Variants in ZNF710 observed in about 807,000 individuals in gnomAD.
The protein encoded by ZNF710 is zinc finger protein 710.
Under a neutral mutation model 50.6 loss-of-function variants are expected in ZNF710, and 13 were observed. The ratio of observed to expected loss-of-function variants is 0.26; its 90% CI spans 0.17 to 0.41. ZNF710 has a LOEUF of 0.41. Among genes scored for constraint, ZNF710 ranks in the 10% least tolerant of loss-of-function variants. The pLI, the probability that ZNF710 is intolerant of heterozygous loss-of-function variation, is 1.00. For missense variants in ZNF710, 721 were observed against 936.6 expected, an observed-to-expected ratio of 0.77 and a Z score of 3.01; for synonymous variants, 383 against 397.0, an observed-to-expected ratio of 0.96 and a Z score of 0.42.
rs568937639 is a variant in ZNF710, at chr15:90,011,309, A to G, written c.-29+9695A>G. On this transcript the variant is annotated intron_variant, in intron 1 of 4. Transcript: ENST00000268154. ...TTATTTTTTAGAGGCAGTTCTGGCT[A>G]TGTTGCCCAGGCTGGTCTCGAACTC... Among the ~76,000 whole-genome samples the G allele has an allele frequency of 4.6e-5, 7 of 152,222 alleles. 1 individual carries two copies. Among genetic ancestry groups the G allele is most frequent in the African/African-American group, 1.4e-4 (6 of 41,548 alleles).
In ZNF710 at chr15:90,055,394, C is replaced by T. The variant is rs565487211; in HGVS notation, c.-28-11716C>T. 5.3e-5 allele frequency among the ~76,000 whole-genome samples: 8 copies of T among 152,246 alleles called. No individual in the cohort carries two copies. The South Asian group carries it at 1.0e-3, about 20-fold the overall frequency. On this transcript the variant is annotated intron_variant, in intron 1 of 4. Transcript: ENST00000268154. ...TATTAAAGAACATCGATGAAGTCCA[C>T]GTGGCTTCACATGGAGGGAGGGGAC...
chr15:90,058,499 G>A (rs979581000), intron 1 of ZNF710, among the ~76,000 whole-genome samples: 1 of 151,958 alleles, frequency 6.6e-6, no homozygotes, highest in African/African-American at 2.4e-5. Flanking sequence ...TGGTCCCTTG[G>A]CGACTGTCAG....
intron 1 of ZNF710, 87 bp downstream of exon 1, chr15:90,001,701 G>A (rs1387830760): frequency 6.9e-6 from 1 of 143,978 alleles, no homozygotes; most frequent in Non-Finnish European, 1.5e-5. Flanking sequence ...CGGGGGGCGC[G>A]GGGGTGGGTC....
intron 1 of ZNF710, among the ~76,000 whole-genome samples, chr15:90,041,928 C>T (rs1342478878): frequency 1.1e-4 from 13 of 119,694 alleles, no homozygotes; most frequent in African/African-American, 2.3e-4. Flanking sequence ...GATAGAGTTT[C>T]GCTCTGTTGC....
chr15:90,001,469 G>GGGCGGCAGGAGCA lies in ZNF710; in HGVS notation c.-167_-155dup, dbSNP rs1450432184. ...GAGAGAAAGAGAGGAGCCGGAGGGA[G>GGGCGGCAGGAGCA]GGCGGCAGGAGCAGGCGGCGGGCGC... On this transcript the variant is annotated 5_prime_UTR_variant, in exon 1 of 5. Transcript: ENST00000268154. 1 of 152,048 alleles carries GGGCGGCAGGAGCA rather than the reference G, an allele frequency of 6.6e-6. No homozygotes were observed. The highest frequency in any genetic ancestry group is 6.6e-5 in the Admixed American group (1 of 15,214). The allele number at this position is 152,048 out of a possible 1,614,324, so 9.4% of individuals were successfully genotyped here.
chr15:90,077,600 G>A (rs1245682431), intron 4 of ZNF710, among the ~76,000 whole-genome samples: 3 of 152,102 alleles, frequency 2.0e-5, no homozygotes, highest in Admixed American at 2.0e-4. Context: ...TGAGGGTGTG[G>A]CACTAGGACT....
Position 90,082,028 on chromosome 15 carries a change from G to T in ZNF710, c.*2199G>T, listed in dbSNP as rs1900735000. On this transcript the variant is annotated 3_prime_UTR_variant, in exon 5 of 5. Transcript: ENST00000268154. ...TCAAAAGAGGTGCACAGCCTCTCGG[G>T]TGACTTGGAAACTCCTGGACAAATT... is the stretch of plus-strand genomic sequence containing the variant. The T allele has an allele frequency of 1.3e-5, 2 of 152,216 alleles. No individual in the cohort carries two copies. Among genetic ancestry groups the T allele is most frequent in the Non-Finnish European group, 2.9e-5 (2 of 68,046 alleles). The allele number at this position is 152,216 out of a possible 1,614,324, so 9.4% of individuals were successfully genotyped here. A position where few individuals can be genotyped will look rare whatever the true frequency, so the allele number is the denominator to read the frequency against.
At chr15:90,066,538 C>T (rs906779333) in intron 1 of ZNF710, among the ~76,000 whole-genome samples, 4 of 136,654 alleles carry the variant, frequency 2.9e-5, no homozygotes, top group Non-Finnish European at 4.5e-5. Context: ...AGTGCAGTGG[C>T]GCGATCTCGG....
chr15:90,046,262 C>T (rs1007109964), intron 1 of ZNF710, among the ~76,000 whole-genome samples: 2 of 152,188 alleles, frequency 1.3e-5, no homozygotes, highest in Non-Finnish European at 2.9e-5. Flanking sequence ...CTTCCTCCTG[C>T]GTACCCAGCT....
At chr15:90,014,602 A>G (rs1049671406) in intron 1 of ZNF710, among the ~76,000 whole-genome samples, 1 of 152,108 alleles carries the variant, frequency 6.6e-6, no homozygotes, top group African/African-American at 2.4e-5. Context: ...TTAAAACAAA[A>G]TAAATTTCAG....
At chr15:90,047,798 G>A (rs542951750) in intron 1 of ZNF710, among the ~76,000 whole-genome samples, 1 of 152,014 alleles carries the variant, frequency 6.6e-6, no homozygotes. Flanking sequence ...TGTTGGCCAG[G>A]CTGGTCTTGA....
rs150995225 is a variant in ZNF710 at position 90,074,522 on chromosome 15, CAT to C, written c.1825+234_1825+235del. Reference sequence around the variant, plus strand: ...ATCACGTAAACAATATAATAAAAATCATAACTAACATTTATTGAGTGCTAACT... The same window carrying C: ...ATCACGTAAACAATATAATAAAAATCAACTAACATTTATTGAGTGCTAACT... On this transcript the variant is annotated intron_variant, in intron 4 of 4. Coordinates refer to ENST00000268154, the MANE Select transcript of ZNF710 (RefSeq NM_198526.4). 1,429 of 1,481,062 alleles carry C rather than the reference CAT, an allele frequency of 9.6e-4. 12 individuals are homozygous for C. The African/African-American group carries it at 0.018, about 18-fold the overall frequency. 91.7% of individuals were successfully genotyped at this position (1,481,062 alleles called of 1,614,324 possible).
rs1596278209 is a variant in ZNF710 at position 90,034,019 on chromosome 15, T to C, written c.-29+32405T>C. Among the ~76,000 whole-genome samples the C allele has an allele frequency of 6.6e-6, 1 of 152,188 alleles. No homozygotes were observed. Among genetic ancestry groups the C allele is most frequent in the South Asian group, 2.1e-4 (1 of 4,828 alleles). ...GAGTTCAAGACCAGCTTGGCTAACA[T>C]GGTGAAACCCTGTCTTTACTAAAAG... On this transcript the variant is annotated intron_variant, in intron 1 of 4. Transcript: ENST00000268154. This position sits in a 1 kb window ranked among gnomAD's most constrained non-coding sequence, Gnocchi z 4.0.
intron 1 of ZNF710, among the ~76,000 whole-genome samples, chr15:90,003,609 A>G (rs901700847): frequency 1.3e-5 from 2 of 152,238 alleles, no homozygotes; most frequent in Admixed American, 6.5e-5. Flanking sequence ...CTCGTTAGAT[A>G]AGAGACAGTG....
intron 1 of ZNF710, among the ~76,000 whole-genome samples, chr15:90,004,988 A>G (rs1193344022): frequency 1.3e-5 from 2 of 152,202 alleles, no homozygotes; most frequent in Non-Finnish European, 2.9e-5. Flanking sequence ...TTCTCACATC[A>G]CACCATTTTT....
intron 1 of ZNF710, among the ~76,000 whole-genome samples, chr15:90,016,468 G>T (rs575509842): frequency 1.3e-5 from 2 of 152,112 alleles, no homozygotes; most frequent in South Asian, 4.1e-4. Context: ...TTTGAGACAG[G>T]TCTCACTCTG....
chr15:90,064,639 C>G (rs1200987987), intron 1 of ZNF710, among the ~76,000 whole-genome samples: 3 of 152,148 alleles, frequency 2.0e-5, no homozygotes, highest in Non-Finnish European at 4.4e-5. Flanking sequence ...AGGCACCCAC[C>G]ACCACGCCCG....
At chr15:90,036,912 A>G (rs1381390742) in intron 1 of ZNF710, among the ~76,000 whole-genome samples, 2 of 152,160 alleles carry the variant, frequency 1.3e-5, no homozygotes, top group African/African-American at 4.8e-5. Context: ...GCCCTCCTAG[A>G]GAGGCAGCCC....
At chr15:90,048,251 G>C (rs1304312159) in intron 1 of ZNF710, among the ~76,000 whole-genome samples, 2 of 152,246 alleles carry the variant, frequency 1.3e-5, no homozygotes, top group East Asian at 3.8e-4. Flanking sequence ...GAGGGCTGTA[G>C]CTGTGTGAGC....
Sources: allele counts gnomAD v4.1 joint callset (sites outside exome capture counted in the v4.1 genomes callset), GRCh38; gene constraint gnomAD v4.1.1; non-coding constraint Gnocchi (gnomAD v3.1); transcripts MANE v1.5; gene names NCBI Gene and HGNC (gene_info 2026-07-23, HGNC 2026-07-21).